Variants in ACVR1C observed in about 807,000 individuals in gnomAD.
The protein encoded by ACVR1C is activin receptor type-1C.
In ACVR1C, 23 loss-of-function variants were observed where a neutral mutation model predicts 57.9. The observed-to-expected ratio is 0.40, with a 90% CI of 0.29 to 0.56. The LOEUF (loss-of-function observed/expected upper bound fraction) is 0.56, where lower values mean the gene tolerates loss of function less well. Ranked by LOEUF, ACVR1C falls within the 20% of genes least tolerant of loss-of-function variation. ACVR1C has a pLI of 0.50. For missense variants in ACVR1C, 480 were observed against 607.9 expected (o/e 0.79, Z 2.21); for synonymous variants, 214 against 215.3 (o/e 0.99, Z 0.05).
Position 157,554,325 on chromosome 2 carries a change from A to G in ACVR1C, c.544+1768T>C, listed in dbSNP as rs754645761. On this transcript the variant is annotated intron_variant, in intron 3 of 8. Transcript: ENST00000243349. ...AGAAAGAAAGGAAAAGAAAAAGAAAAAGAAAGAGAAAGAGAGAAAGAAAGA... is the reference window on the plus strand; with the variant it reads ...AGAAAGAAAGGAAAAGAAAAAGAAAGAGAAAGAGAAAGAGAGAAAGAAAGA... Among the ~76,000 whole-genome samples, 37 of 145,506 alleles carry G rather than the reference A, an allele frequency of 2.5e-4. 2 individuals carry two copies. Among genetic ancestry groups the G allele is most frequent in the Admixed American group, 5.4e-4 (8 of 14,914 alleles).
chr2:157,544,035 C>CTTTTTTT (rs1217763945), intron 5 of ACVR1C, among the ~76,000 whole-genome samples: 1 of 124,400 alleles, frequency 8.0e-6, no homozygotes, highest in Non-Finnish European at 1.7e-5. Flanking sequence ...TGTTTCTTTA[C>CTTTTTTT]TTTTTTTTTT....
chr2:157,544,302 A>G (rs1398397779), intron 5 of ACVR1C, 143 bp downstream of exon 5: 4 of 719,406 alleles, frequency 5.6e-6, no homozygotes, highest in Non-Finnish European at 8.0e-6. Context: ...CACCTAGACT[A>G]CCAAAATGCT....
At position 157,567,236 on chromosome 2, in the gene ACVR1C, C is replaced by G. The variant is rs1164052352; in HGVS notation, c.305-10904G>C. 1.3e-4 allele frequency among the ~76,000 whole-genome samples: 13 copies of G among 97,956 alleles called. 3 individuals carry two copies. The highest frequency in any genetic ancestry group is 6.3e-5 in the Non-Finnish European group (3 of 47,364). The allele number at this position is 97,956 out of a possible 152,430, so 64.3% of individuals were successfully genotyped here. ...TCTGTACATCACCATCATCAAAGAC[C>G]AAAAGTAGATAAAACCACAAAGTTG... On this transcript the variant is annotated intron_variant, in intron 2 of 8. Transcript: ENST00000243349.
intron 1 of ACVR1C, among the ~76,000 whole-genome samples, chr2:157,609,512 AT>A (rs1682483894): frequency 6.6e-6 from 1 of 151,912 alleles, no homozygotes; most frequent in African/African-American, 2.4e-5. Context: ...TTTAAATCCA[AT>A]GTTTCTTTGT....
chr2:157,603,876 T>A (rs762833887), intron 1 of ACVR1C, among the ~76,000 whole-genome samples: 3 of 152,128 alleles, frequency 2.0e-5, no homozygotes, highest in Non-Finnish European at 2.9e-5. Flanking sequence ...AATTTTAAAA[T>A]ATGTCTATTG....
chr2:157,590,893 C>T (rs1558989823), intron 1 of ACVR1C, among the ~76,000 whole-genome samples: 1 of 151,924 alleles, frequency 6.6e-6, no homozygotes. Flanking sequence ...TACTTTGTCT[C>T]CTGTACCTCC....
chr2:157,576,580 C>T (rs1464945327), intron 2 of ACVR1C, among the ~76,000 whole-genome samples: 1 of 152,142 alleles, frequency 6.6e-6, no homozygotes, highest in Non-Finnish European at 1.5e-5. Context: ...CTTGGGTAAA[C>T]TTGAACTATG....
At chr2:157,587,553 C>T (rs1688956090) in intron 1 of ACVR1C, 136 bp from the exon 2 acceptor site, 2 of 634,826 alleles carry the variant, frequency 3.2e-6, no homozygotes, top group African/African-American at 3.7e-5. Context: ...TAAACACATG[C>T]TAAGCAATTA....
rs370449923 is a variant in ACVR1C, at chr2:157,583,809, T to C, written c.304+3378A>G. Among the ~76,000 whole-genome samples, 167 of 152,262 alleles carry C rather than the reference T, an allele frequency of 1.1e-3. 1 individual carries two copies. Among genetic ancestry groups the C allele is most frequent in the African/African-American group, 3.9e-3 (162 of 41,568 alleles). ...TGATGCTAGAAGAACTTCAAATCCATATGGAAAAAATAAAACTCCACCTTA... is the reference window on the plus strand; with the variant it reads ...TGATGCTAGAAGAACTTCAAATCCACATGGAAAAAATAAAACTCCACCTTA... On this transcript the variant is annotated intron_variant, in intron 2 of 8. Transcript: ENST00000243349.
chr2:157,554,823 GAA>G (rs890013737), intron 3 of ACVR1C, among the ~76,000 whole-genome samples: 1 of 151,978 alleles, frequency 6.6e-6, no homozygotes, highest in African/African-American at 2.4e-5. Flanking sequence ...TCCAAAACAA[GAA>G]GAGATGCAGG....
chr2:157,595,149 T>C (rs1387935281), intron 1 of ACVR1C, among the ~76,000 whole-genome samples: 1 of 152,228 alleles, frequency 6.6e-6, no homozygotes, highest in East Asian at 1.9e-4. Context: ...ATAATCAAAA[T>C]GGTTCACGAC....
chr2:157,614,772 G>A (rs1022496282), intron 1 of ACVR1C, among the ~76,000 whole-genome samples: 12 of 151,988 alleles, frequency 7.9e-5, no homozygotes, highest in East Asian at 5.8e-4. Flanking sequence ...ATCTTTTGAC[G>A]TCTATTTTGT....
chr2:157,597,298 C>G, intron 1 of ACVR1C: 1 of 963,412 alleles, frequency 1.0e-6, no homozygotes, highest in Non-Finnish European at 1.2e-6. Context: ...CGGTCCCCAG[C>G]GCGCTCCCCA....
chr2:157,576,210 T>TTTTTC (rs1688648557), intron 2 of ACVR1C, among the ~76,000 whole-genome samples: 1 of 141,676 alleles, frequency 7.1e-6, no homozygotes, highest in Non-Finnish European at 1.5e-5. Context: ...TTTCTTTTTT[T>TTTTTC]TTTTTTTTTT....
chr2:157,560,470 G>C (rs1688209202), intron 2 of ACVR1C, among the ~76,000 whole-genome samples: 1 of 152,156 alleles, frequency 6.6e-6, no homozygotes, highest in Non-Finnish European at 1.5e-5. Context: ...GCTGACTAGA[G>C]GTTACGCACA....
intron 1 of ACVR1C, among the ~76,000 whole-genome samples, chr2:157,591,413 G>A (rs1428289854): frequency 1.3e-5 from 2 of 151,934 alleles, no homozygotes; most frequent in African/African-American, 4.8e-5. Flanking sequence ...AAAATGAACA[G>A]CATAGGGAAA....
rs1210992140 is a variant in ACVR1C at position 157,608,299 on chromosome 2, A to G, written c.73+20273T>C. On this transcript the variant is annotated intron_variant, in intron 1 of 8. Transcript: ENST00000243349. The stretch of plus-strand genomic sequence containing the variant: ...TGAAGTATAACATTTATCAATTTGT[A>G]TATGTTGAACCATACTTGCATCCCT... Among the ~76,000 whole-genome samples the G allele has an allele frequency of 2.6e-5, 4 of 151,852 alleles. No individual in the cohort carries two copies. In the East Asian group the frequency reaches 7.7e-4, roughly 29 times the overall value.
chr2:157,587,266 AC>A lies in ACVR1C; in HGVS notation c.224del (p.Cys75PhefsTer21). The A allele has an allele frequency of 6.2e-7, 1 of 1,613,744 alleles. No individual in the cohort carries two copies. Among genetic ancestry groups the A allele is most frequent in the Non-Finnish European group, 8.5e-7 (1 of 1,179,698 alleles). The part of the protein sequence containing the change: ...SLPELNAQVF[C>X]HSSNNVTKTE... ...TTTTGGTAACATTGTTGGAACTATG[AC>A]AGAAGACTTGAGCATTCAGTTCTGG... On this transcript the variant is annotated frameshift_variant, in exon 2 of 9. Coordinates refer to ENST00000243349, the MANE Select transcript of ACVR1C (RefSeq NM_145259.3). LOFTEE classifies it high-confidence loss of function.
At chr2:157,542,553 C>T (rs749940270) in intron 6 of ACVR1C, among the ~76,000 whole-genome samples, 153 bp downstream of exon 6, 3 of 152,150 alleles carry the variant, frequency 2.0e-5, no homozygotes. Context: ...ACCATTGCAC[C>T]CACTAACTTC....
Sources: allele counts gnomAD v4.1 joint callset (sites outside exome capture counted in the v4.1 genomes callset), GRCh38; gene constraint gnomAD v4.1.1; transcripts MANE v1.5; gene names NCBI Gene and HGNC (gene_info 2026-07-23, HGNC 2026-07-21).